The following CFAP299 variants were observed in gnomAD, a reference collection of about 807,000 sequenced individuals.
The protein encoded by CFAP299 is cilia- and flagella-associated protein 299.
Under a neutral mutation model 27.0 loss-of-function variants are expected in CFAP299, and 21 were observed. The observed-to-expected ratio is 0.78, with a 90% CI of 0.55 to 1.12. The LOEUF (loss-of-function observed/expected upper bound fraction) is 1.12, where lower values mean the gene tolerates loss of function less well. Ranked by LOEUF, CFAP299 falls within the 50% of genes most tolerant of loss-of-function variation. The pLI is 0.00. For synonymous variants in CFAP299, 104 were observed against 98.1 expected, an observed-to-expected ratio of 1.06 and a Z score of -0.36; for missense variants, 310 against 276.6, an observed-to-expected ratio of 1.12 and a Z score of -0.86.
At chr4:80,587,839 G>T (rs1026905142) in intron 3 of CFAP299, among the ~76,000 whole-genome samples, 1 of 152,120 alleles carries the variant, frequency 6.6e-6, no homozygotes, top group African/African-American at 2.4e-5. Context: ...TTATCCTCTT[G>T]CCTGGGCCTC....
rs191196074 is a variant in CFAP299, at chr4:80,709,058, C to A, written c.333+125875C>A. On this transcript the variant is annotated intron_variant, in intron 3 of 5. Coordinates refer to ENST00000358105, the MANE Select transcript of CFAP299 (RefSeq NM_152770.3). ...TGTGGCTGTTAACATTTTAACTTTT[C>A]TCAATAGTTGGAAAAAGCATGCTAA... Among the ~76,000 whole-genome samples, 244 of 152,128 alleles carry A rather than the reference C, an allele frequency of 1.6e-3. 1 individual carries two copies. The highest frequency in any genetic ancestry group is 3.1e-3 in the Non-Finnish European group (210 of 67,978).
At chr4:80,956,249 T>C (rs1198751899) in intron 5 of CFAP299, among the ~76,000 whole-genome samples, 1 of 152,216 alleles carries the variant, frequency 6.6e-6, no homozygotes, top group Non-Finnish European at 1.5e-5. Context: ...AGTTAGACCA[T>C]GTCAATTTAC....
At chr4:80,822,558 TAAAG>T (rs1446357212) in intron 3 of CFAP299, among the ~76,000 whole-genome samples, 1 of 152,108 alleles carries the variant, frequency 6.6e-6, no homozygotes, top group Non-Finnish European at 1.5e-5. Context: ...ATAGGAGAAA[TAAAG>T]AAAAGCTGAT....
chr4:80,900,435 G>T (rs2110194691), intron 4 of CFAP299, among the ~76,000 whole-genome samples: 1 of 152,172 alleles, frequency 6.6e-6, no homozygotes, highest in Non-Finnish European at 1.5e-5. Flanking sequence ...GAAAATATCA[G>T]ACATGCCAGC....
At chr4:80,684,493 C>G (rs1231084801) in intron 3 of CFAP299, among the ~76,000 whole-genome samples, 2 of 152,146 alleles carry the variant, frequency 1.3e-5, no homozygotes, top group East Asian at 3.9e-4. Context: ...TTTCGATCTC[C>G]TGACCTCGTG....
chr4:80,548,503 G>A (rs1734351001), intron 2 of CFAP299, among the ~76,000 whole-genome samples: 1 of 152,086 alleles, frequency 6.6e-6, no homozygotes, highest in Non-Finnish European at 1.5e-5. Context: ...ATTTACCCAG[G>A]TAATTGCACA....
rs538745563 is a variant in CFAP299, at chr4:80,391,204, C to T, written c.242+28320C>T. On this transcript the variant is annotated intron_variant, in intron 2 of 5. Transcript: ENST00000358105. ...GAATATGGGAGTGCAGATATCTTTT[C>T]AACATGATAATTTCATTTCCTTGTA... Among the ~76,000 whole-genome samples the T allele has an allele frequency of 2.6e-5, 4 of 152,152 alleles. No homozygotes were observed. The South Asian group carries it at 8.3e-4, about 32-fold the overall frequency.
At chr4:80,908,261 G>T (rs1318180871) in intron 4 of CFAP299, among the ~76,000 whole-genome samples, 1 of 152,156 alleles carries the variant, frequency 6.6e-6, no homozygotes, top group African/African-American at 2.4e-5. Context: ...TTGACTTCAG[G>T]TAGTGCATAA....
At chr4:80,767,507 G>A (rs143015720) in intron 3 of CFAP299, among the ~76,000 whole-genome samples, 8,208 of 152,214 alleles carry the variant, frequency 0.054, 752 homozygotes, top group African/African-American at 0.19. Context: ...TACTGAGGAG[G>A]CTGAGGCAGG....
intron 2 of CFAP299, among the ~76,000 whole-genome samples, chr4:80,441,811 C>A (rs956289689): frequency 2.0e-5 from 3 of 152,102 alleles, no homozygotes; most frequent in Admixed American, 2.0e-4. Flanking sequence ...TCAGGAGAAC[C>A]TACTCATGTG....
At chr4:80,729,592 C>CTTTTTTTT (rs34745276) in intron 3 of CFAP299, among the ~76,000 whole-genome samples, 2 of 64,318 alleles carry the variant, frequency 3.1e-5, no homozygotes, top group Admixed American at 2.2e-4. Flanking sequence ...GCTTCAGCAT[C>CTTTTTTTT]TTTTTTTTTT....
chr4:80,611,931 T>C (rs1738004824), intron 3 of CFAP299, among the ~76,000 whole-genome samples: 1 of 152,108 alleles, frequency 6.6e-6, no homozygotes, highest in African/African-American at 2.4e-5. Context: ...TACCTGATTA[T>C]GAGGGCAAAT....
intron 3 of CFAP299, among the ~76,000 whole-genome samples, chr4:80,826,812 T>C (rs546736825): frequency 1.3e-5 from 2 of 151,984 alleles, no homozygotes; most frequent in African/African-American, 4.8e-5. Flanking sequence ...AGTCCACAAA[T>C]TAAATCTCAG....
At chr4:80,931,626 G>A (rs969284998) in intron 4 of CFAP299, among the ~76,000 whole-genome samples, 1 of 152,058 alleles carries the variant, frequency 6.6e-6, no homozygotes, top group Non-Finnish European at 1.5e-5. Context: ...CAAGGCAAGA[G>A]GGGGCTCAGG....
chr4:80,519,844 C>G (rs11946213), intron 2 of CFAP299, among the ~76,000 whole-genome samples: 4,957 of 152,186 alleles, frequency 0.033, 150 homozygotes, highest in South Asian at 0.095. Flanking sequence ...TGTTGCATAC[C>G]ACAAATAACA....
rs1737402806 is a variant in CFAP299, at chr4:80,945,050, A to C, written c.606+111A>C. On this transcript the variant is annotated intron_variant, in intron 5 of 5. Coordinates refer to ENST00000358105, the MANE Select transcript of CFAP299 (RefSeq NM_152770.3). ...ACACTCTTAAGTTGTTAAATTTAGA[A>C]AGGAAATAACATTTTGAAACTTAGA... 43 of 1,073,490 alleles carry C rather than the reference A, an allele frequency of 4.0e-5. No homozygotes were observed. The South Asian group carries it at 5.5e-4, about 14-fold the overall frequency. 66.5% of individuals were successfully genotyped at this position (1,073,490 alleles called of 1,614,324 possible).
At chr4:80,693,315 A>T (rs1443447890) in intron 3 of CFAP299, among the ~76,000 whole-genome samples, 2 of 152,072 alleles carry the variant, frequency 1.3e-5, no homozygotes, top group Non-Finnish European at 2.9e-5. Context: ...CAACAATGAT[A>T]GACTGGATTA....
chr4:80,595,757 T>C (rs1455341559), intron 3 of CFAP299, among the ~76,000 whole-genome samples: 1 of 152,214 alleles, frequency 6.6e-6, no homozygotes, highest in African/African-American at 2.4e-5. Flanking sequence ...ACATCTGCAA[T>C]CCAGTATGAA....
At chr4:80,916,295 A>ATATATATATATATTTT (rs1405206483) in intron 4 of CFAP299, among the ~76,000 whole-genome samples, 1 of 125,570 alleles carries the variant, frequency 8.0e-6, no homozygotes, top group African/African-American at 3.2e-5. Flanking sequence ...ATATATATAT[A>ATATATATATATATTTT]TTTCAGGTAC....
Sources: allele counts gnomAD v4.1 joint callset (sites outside exome capture counted in the v4.1 genomes callset), GRCh38; gene constraint gnomAD v4.1.1; transcripts MANE v1.5; gene names NCBI Gene and HGNC (gene_info 2026-07-23, HGNC 2026-07-21).